Variants in SCML4 observed in about 807,000 individuals in gnomAD.
The protein encoded by SCML4 is Scm polycomb group protein like 4.
SCML4 carries 34 observed loss-of-function variants against 41.1 expected under a neutral mutation model. The observed-to-expected ratio is 0.83, with a 90% CI of 0.63 to 1.10. The LOEUF (loss-of-function observed/expected upper bound fraction) is 1.10, where lower values mean the gene tolerates loss of function less well. Among genes scored for constraint, SCML4 ranks in the 50% least tolerant of loss-of-function variants. SCML4 has a pLI of 0.00. For missense variants in SCML4, 522 were observed against 534.1 expected, an observed-to-expected ratio of 0.98 and a Z score of 0.22; for synonymous variants, 214 against 220.9, an observed-to-expected ratio of 0.97 and a Z score of 0.28.
At position 107,755,573 on chromosome 6, in the gene SCML4, C is replaced by G. The variant is rs762263749; in HGVS notation, c.157-5760G>C. On this transcript the variant is annotated intron_variant, in intron 2 of 7. Transcript: ENST00000369020. ...GGGCCCAGTCCATCAGCACAAACCT[C>G]TCTCCAGTGGAATGGGGGGGTTCTC... 2.3e-6 allele frequency: 3 copies of G among 1,330,412 alleles called. No individual in the cohort carries two copies. In the Admixed American group the frequency reaches 6.6e-5, roughly 29 times the overall value. 82.4% of individuals were successfully genotyped at this position (1,330,412 alleles called of 1,614,324 possible).
the SCML4 span, among the ~76,000 whole-genome samples, chr6:107,837,877 A>G: frequency 6.6e-6 from 1 of 151,358 alleles, no homozygotes; most frequent in African/African-American, 2.4e-5. Context: ...AGTGTGTCCC[A>G]GAATAACCTC....
intron 6 of SCML4, among the ~76,000 whole-genome samples, chr6:107,716,659 A>G (rs28360512): frequency 0.53 from 80,864 of 151,924 alleles, 23,324 homozygotes; most frequent in Middle Eastern, 0.68. Context: ...CCATGGGAGG[A>G]AAAAGGAGGG....
chr6:107,845,042 C>A, the SCML4 span, among the ~76,000 whole-genome samples: 1 of 151,748 alleles, frequency 6.6e-6, no homozygotes. Context: ...TCAAGACCAG[C>A]CTGGCTAACA....
chr6:107,804,825 C>T (rs1783600201), intron 1 of SCML4, among the ~76,000 whole-genome samples: 1 of 152,102 alleles, frequency 6.6e-6, no homozygotes, highest in African/African-American at 2.4e-5. Flanking sequence ...AAAAAATTAG[C>T]CAGGCGTGAT....
At position 107,755,588 on chromosome 6, in the gene SCML4, G is replaced by C. The variant is rs983270584; in HGVS notation, c.157-5775C>G. The C allele has an allele frequency of 5.2e-6, 7 of 1,347,034 alleles. No individual in the cohort carries two copies. The African/African-American group carries it at 6.0e-5, about 12-fold the overall frequency. The allele number at this position is 1,347,034 out of a possible 1,614,324, so 83.4% of individuals were successfully genotyped here. A position where few individuals can be genotyped will look rare whatever the true frequency, so the allele number is the denominator to read the frequency against. On this transcript the variant is annotated intron_variant, in intron 2 of 7. Coordinates refer to ENST00000369020, the MANE Select transcript of SCML4 (RefSeq NM_198081.5). Reference sequence around the variant, plus strand: ...GCACAAACCTCTCTCCAGTGGAATGGGGGGGTTCTCTGCCTGTCGCAACCT... The same window carrying C: ...GCACAAACCTCTCTCCAGTGGAATGCGGGGGTTCTCTGCCTGTCGCAACCT...
intron 2 of SCML4, among the ~76,000 whole-genome samples, chr6:107,759,132 C>CAAAAAAA (rs60124415): frequency 4.6e-4 from 41 of 88,208 alleles, no homozygotes; most frequent in Admixed American, 8.2e-4. Context: ...ACAAAAAATA[C>CAAAAAAA]AAAAAAAAAA....
intron 1 of SCML4, among the ~76,000 whole-genome samples, chr6:107,818,600 GAGAATGATTCTTAC>G (rs1784722726): frequency 6.6e-6 from 1 of 152,230 alleles, no homozygotes; most frequent in African/African-American, 2.4e-5. Flanking sequence ...CACAAAGAAT[GAGAATGATTCTTAC>G]AGTCCTATAA....
At chr6:107,839,480 T>G in the SCML4 span, among the ~76,000 whole-genome samples, 1 of 151,514 alleles carries the variant, frequency 6.6e-6, no homozygotes, top group African/African-American at 2.4e-5. Flanking sequence ...CAGGCAAATA[T>G]CAGAAGAACC....
chr6:107,841,161 A>T, the SCML4 span, among the ~76,000 whole-genome samples: 1 of 149,406 alleles, frequency 6.7e-6, no homozygotes, highest in African/African-American at 2.4e-5. Flanking sequence ...ACTGCTAAAA[A>T]AAAAAAAAAA....
At chr6:107,831,521 C>T in the SCML4 span, among the ~76,000 whole-genome samples, 44 of 151,344 alleles carry the variant, frequency 2.9e-4, no homozygotes, top group African/African-American at 1.1e-3. Flanking sequence ...CTATGATAAA[C>T]CCACATGAGC....
chr6:107,745,421 C>G, intron 4 of SCML4: 1 of 339,706 alleles, frequency 2.9e-6, no homozygotes, highest in South Asian at 6.3e-5. Context: ...TTGAAGAGTA[C>G]TGCTCAGGGT....
At chr6:107,803,377 G>A (rs1289706257) in intron 1 of SCML4, among the ~76,000 whole-genome samples, 5 of 149,996 alleles carry the variant, frequency 3.3e-5, no homozygotes, top group African/African-American at 1.2e-4. Context: ...TGGGAGGGAG[G>A]TGGGGGTCAG....
At chr6:107,778,394 G>T (rs146465217) in intron 1 of SCML4, among the ~76,000 whole-genome samples, 1,676 of 151,174 alleles carry the variant, frequency 0.011, 34 homozygotes, top group African/African-American at 0.039. Flanking sequence ...TTGAAGCACA[G>T]TGCTTTAGTA....
intron 1 of SCML4, among the ~76,000 whole-genome samples, chr6:107,802,690 C>T (rs866830965): frequency 3.6e-3 from 4 of 1,110 alleles, no homozygotes; most frequent in African/African-American, 9.5e-3. Flanking sequence ...CTCTCCCTCC[C>T]CCTCCTCTCC....
upstream of SCML4, among the ~76,000 whole-genome samples, chr6:107,826,944 T>G (rs954552647): frequency 2.6e-5 from 4 of 151,978 alleles, no homozygotes; most frequent in African/African-American, 9.7e-5. Context: ...GCGCCTGTAG[T>G]CCCAGCTACT....
intron 2 of SCML4, among the ~76,000 whole-genome samples, chr6:107,751,133 T>C (rs1046139484): frequency 2.0e-5 from 3 of 152,090 alleles, no homozygotes; most frequent in Admixed American, 6.5e-5. Context: ...TGATATTCTG[T>C]TGGGGGGAGA....
chr6:107,722,169 G>A (rs1211435230), intron 5 of SCML4, among the ~76,000 whole-genome samples: 1 of 151,790 alleles, frequency 6.6e-6, no homozygotes, highest in Admixed American at 6.6e-5. Context: ...TAGAGATGGG[G>A]TTTCACCATG....
At chr6:107,786,479 T>G (rs1041061498) in intron 1 of SCML4, among the ~76,000 whole-genome samples, 3 of 152,150 alleles carry the variant, frequency 2.0e-5, no homozygotes, top group African/African-American at 7.2e-5. Flanking sequence ...ACATCCTTTC[T>G]TGTGGCTGTA....
the SCML4 span, among the ~76,000 whole-genome samples, chr6:107,835,018 C>T: frequency 1.3e-5 from 2 of 151,254 alleles, no homozygotes; most frequent in African/African-American, 4.9e-5. Flanking sequence ...TCTTAAAAGA[C>T]AAAATATAAT....
Sources: gnomAD v4.1 joint callset for allele counts (sites outside exome capture counted in the v4.1 genomes callset) on GRCh38, gnomAD v4.1.1 for gene constraint, MANE v1.5 for transcripts, NCBI Gene and HGNC (gene_info 2026-07-23, HGNC 2026-07-21) for gene names.